The following PTPRM variants were observed in gnomAD, a reference collection of about 807,000 sequenced individuals.
The protein encoded by PTPRM is protein tyrosine phosphatase receptor type M, also known as receptor-type tyrosine-protein phosphatase mu.
In PTPRM, 47 loss-of-function variants were observed where a neutral mutation model predicts 186.7. That is an observed-to-expected ratio of 0.25 (90% confidence interval 0.20 to 0.32). The LOEUF is 0.32. PTPRM is among the 10% of genes least tolerant of loss of function. The probability of loss-of-function intolerance (pLI) is 1.00; values close to 1 mark genes in which losing one functional copy is unlikely to be tolerated. For missense variants in PTPRM, 1,494 were observed against 1,865.0 expected, an observed-to-expected ratio of 0.80 and a Z score of 3.66; for synonymous variants, 668 against 674.9, an observed-to-expected ratio of 0.99 and a Z score of 0.16.
intron 2 of PTPRM, among the ~76,000 whole-genome samples, chr18:7,806,711 C>A (rs190371460): frequency 2.0e-3 from 304 of 152,204 alleles, no homozygotes; most frequent in African/African-American, 7.1e-3. Flanking sequence ...CATTTATTTT[C>A]CCCCTTTCTC....
At chr18:8,117,255 T>C (rs958337798) in intron 13 of PTPRM, among the ~76,000 whole-genome samples, 21 of 152,200 alleles carry the variant, frequency 1.4e-4, no homozygotes, top group African/African-American at 5.1e-4. Flanking sequence ...GTTTAAAATG[T>C]AGAAGAGTTC....
chr18:7,774,067 T>C, intron 1 of PTPRM, 82 bp from the exon 2 acceptor site: 2 of 1,424,340 alleles, frequency 1.4e-6, no homozygotes, highest in Admixed American at 3.8e-5. Context: ...TGGCATCAAG[T>C]CTAAGGCTTC....
At chr18:7,574,680 T>C (rs1310372444) in intron 1 of PTPRM, among the ~76,000 whole-genome samples, 2 of 152,256 alleles carry the variant, frequency 1.3e-5, no homozygotes, top group Non-Finnish European at 2.9e-5. Flanking sequence ...GGAATTGTAA[T>C]GTGGAATTGT....
At chr18:7,721,040 C>G (rs576793018) in intron 1 of PTPRM, among the ~76,000 whole-genome samples, 1 of 151,990 alleles carries the variant, frequency 6.6e-6, no homozygotes, top group African/African-American at 2.4e-5. Flanking sequence ...TTTTGAGGGA[C>G]TTCCATACTC....
intron 2 of PTPRM, among the ~76,000 whole-genome samples, chr18:7,834,061 G>C (rs1330456239): frequency 5.9e-5 from 9 of 152,068 alleles, no homozygotes; most frequent in Non-Finnish European, 1.5e-5. Flanking sequence ...GATACTAGCT[G>C]TGGGTCTGTT....
chr18:7,916,058 A>G (rs766172570), intron 4 of PTPRM, among the ~76,000 whole-genome samples: 2 of 151,938 alleles, frequency 1.3e-5, no homozygotes, highest in South Asian at 2.1e-4. Flanking sequence ...CAGTGTGTAT[A>G]TATGGACATA....
chr18:8,036,942 G>A (rs925001962), intron 7 of PTPRM, among the ~76,000 whole-genome samples: 4 of 152,146 alleles, frequency 2.6e-5, no homozygotes, highest in Admixed American at 2.0e-4. Context: ...TTTACTGGGT[G>A]TTTATCGGTC....
intron 5 of PTPRM, among the ~76,000 whole-genome samples, chr18:7,939,296 G>A (rs527953272): frequency 3.3e-5 from 5 of 152,120 alleles, no homozygotes; most frequent in Non-Finnish European, 5.9e-5. Context: ...TGATGCCTGC[G>A]TACTCAGAGC....
chr18:8,377,152 C>G (rs1244229097), intron 26 of PTPRM: 1 of 152,580 alleles, frequency 6.6e-6, no homozygotes, highest in Non-Finnish European at 1.5e-5. Flanking sequence ...TTTTCAGAAG[C>G]AATGTTACAT....
chr18:8,278,184 G>C (rs1264912963), intron 19 of PTPRM, among the ~76,000 whole-genome samples: 4 of 152,178 alleles, frequency 2.6e-5, no homozygotes, highest in Non-Finnish European at 5.9e-5. Flanking sequence ...TGGCATCTTT[G>C]TAAAAATAAT....
chr18:8,246,432 A>T (rs899738034), intron 15 of PTPRM, among the ~76,000 whole-genome samples: 2 of 152,212 alleles, frequency 1.3e-5, no homozygotes, highest in Non-Finnish European at 2.9e-5. Context: ...TGCTATAAAA[A>T]GGGGAGAATA....
chr18:8,127,367 C>T (rs574496946), intron 13 of PTPRM, among the ~76,000 whole-genome samples: 4 of 150,730 alleles, frequency 2.7e-5, no homozygotes, highest in Admixed American at 2.6e-4. Flanking sequence ...CTTTCCTCAG[C>T]CTGCCACTCA....
At chr18:8,338,443 C>T (rs1327722843) in intron 22 of PTPRM, among the ~76,000 whole-genome samples, 4 of 150,904 alleles carry the variant, frequency 2.7e-5, no homozygotes, top group African/African-American at 7.3e-5. Flanking sequence ...TTCTTCTTGC[C>T]GGGATTGTGA....
chr18:7,958,683 C>T (rs1232943292), intron 7 of PTPRM, among the ~76,000 whole-genome samples: 4 of 152,150 alleles, frequency 2.6e-5, no homozygotes, highest in African/African-American at 9.7e-5. Context: ...ACCCTGAAAG[C>T]CTTTCAGTTT....
intron 7 of PTPRM, among the ~76,000 whole-genome samples, chr18:8,014,114 G>A (rs1417669375): frequency 6.6e-6 from 1 of 151,838 alleles, no homozygotes; most frequent in Admixed American, 6.6e-5. Context: ...ATTTTGGTTT[G>A]CTTCATTTAA....
At chr18:7,649,002 C>A (rs1414882466) in intron 1 of PTPRM, among the ~76,000 whole-genome samples, 2 of 152,198 alleles carry the variant, frequency 1.3e-5, no homozygotes, top group African/African-American at 4.8e-5. Context: ...GAGAGGCCAA[C>A]TCTCTTGTTA....
chr18:7,866,889 T>C (rs1457767985), intron 2 of PTPRM, among the ~76,000 whole-genome samples: 1 of 152,218 alleles, frequency 6.6e-6, no homozygotes. Context: ...GGTGCATATA[T>C]TTTTAGGATA....
At chr18:8,336,623 GGA>G (rs1463035569) in intron 22 of PTPRM, among the ~76,000 whole-genome samples, 1 of 136,854 alleles carries the variant, frequency 7.3e-6, no homozygotes, top group African/African-American at 2.7e-5. Flanking sequence ...GGAGGGGGAG[GGA>G]GAGGAGGAGG....
rs1194316641 is a variant in PTPRM at position 8,031,613 on chromosome 18, G to A, written c.1133-38073G>A. Among the ~76,000 whole-genome samples, 4 of 152,296 alleles carry A rather than the reference G, an allele frequency of 2.6e-5. 1 individual carries two copies. The highest frequency in any genetic ancestry group is 4.1e-4 in the South Asian group (2 of 4,822). On this transcript the variant is annotated intron_variant, in intron 7 of 32. Transcript: ENST00000580170. ...TGAGGTAGAGTTAAAATGAAGGCAC[G>A]TTTGCAGCACTATAGAGTCTGACAG...
Sources: gnomAD v4.1 joint callset for allele counts (sites outside exome capture counted in the v4.1 genomes callset) on GRCh38, gnomAD v4.1.1 for gene constraint, MANE v1.5 for transcripts, NCBI Gene and HGNC (gene_info 2026-07-23, HGNC 2026-07-21) for gene names.